The following ERC1 variants were observed in gnomAD, a reference collection of about 807,000 sequenced individuals.
The protein encoded by ERC1 is ELKS/RAB6-interacting/CAST family member 1.
Under a neutral mutation model 132.0 loss-of-function variants are expected in ERC1, and 56 were observed. The observed-to-expected ratio is 0.42, with a 90% CI of 0.34 to 0.53. The LOEUF is 0.53. Among genes scored for constraint, ERC1 ranks in the 20% least tolerant of loss-of-function variants. ERC1 has a pLI of 0.03. For synonymous variants in ERC1, 478 were observed against 476.1 expected (o/e 1.00, Z -0.05); for missense variants, 1,202 against 1,349.9 (o/e 0.89, Z 1.72).
chr12:1,487,456 A>G (rs1234182805), intron 18 of ERC1, among the ~76,000 whole-genome samples: 1 of 134,498 alleles, frequency 7.4e-6, no homozygotes, highest in Non-Finnish European at 1.5e-5. Context: ...TGTAATCTCA[A>G]CATTTTAGGA....
At chr12:1,200,649 C>T (rs1001130620) in intron 12 of ERC1, among the ~76,000 whole-genome samples, 6 of 151,970 alleles carry the variant, frequency 3.9e-5, no homozygotes, top group Admixed American at 1.3e-4. Context: ...AGCTCCGCCT[C>T]CCGGGTTCAC....
At chr12:1,445,583 TA>T (rs1410311751) in intron 18 of ERC1, among the ~76,000 whole-genome samples, 1 of 150,792 alleles carries the variant, frequency 6.6e-6, no homozygotes, top group Non-Finnish European at 1.5e-5. Context: ...TGATATTTTG[TA>T]ACTTTCAGCA....
At chr12:1,052,962 CTA>C (rs997432153) in intron 2 of ERC1, among the ~76,000 whole-genome samples, 2 of 150,030 alleles carry the variant, frequency 1.3e-5, no homozygotes, top group African/African-American at 5.0e-5. Context: ...AAGAGTGAAA[CTA>C]TGTCTCGAAA....
chr12:1,185,974 A>G (rs1266999861), intron 11 of ERC1, among the ~76,000 whole-genome samples: 1 of 152,196 alleles, frequency 6.6e-6, no homozygotes, highest in Non-Finnish European at 1.5e-5. Flanking sequence ...GTTTCTGCCA[A>G]TAGAGTCTTT....
intron 12 of ERC1, among the ~76,000 whole-genome samples, chr12:1,229,683 T>A (rs908823858): frequency 6.6e-6 from 1 of 152,178 alleles, no homozygotes; most frequent in Non-Finnish European, 1.5e-5. Context: ...TGATTTTCTT[T>A]ATTTGAATTC....
chr12:1,455,755 C>T (rs1287801990), intron 18 of ERC1, among the ~76,000 whole-genome samples: 3 of 152,128 alleles, frequency 2.0e-5, no homozygotes, highest in African/African-American at 4.8e-5. Flanking sequence ...AAATGCGAAC[C>T]GTTTTTCATT....
In ERC1 at chr12:1,242,960, G is replaced by C. The variant is rs535440676; in HGVS notation, c.2487+6056G>C. ...CCCAGCACTTTGGGAGGCCGAGGCG[G>C]GTGGATCATGAGGTCAGGAGATCGA... On this transcript the variant is annotated intron_variant, in intron 13 of 18. Coordinates refer to ENST00000360905, the MANE Select transcript of ERC1 (RefSeq NM_178040.4). Among the ~76,000 whole-genome samples, 13 of 152,192 alleles carry C rather than the reference G, an allele frequency of 8.5e-5. No homozygotes were observed. In the South Asian group the frequency reaches 2.5e-3, roughly 29 times the overall value.
chr12:1,154,288 TACAC>T (rs140742527), intron 8 of ERC1, among the ~76,000 whole-genome samples: 1 of 148,444 alleles, frequency 6.7e-6, no homozygotes, highest in Non-Finnish European at 1.5e-5. Flanking sequence ...CATGTATATA[TACAC>T]ACACACGTGC....
At chr12:1,127,550 T>A (rs918704934) in intron 7 of ERC1, among the ~76,000 whole-genome samples, 3 of 152,004 alleles carry the variant, frequency 2.0e-5, no homozygotes, top group Non-Finnish European at 2.9e-5. Context: ...TTGCCCAGGC[T>A]TGAGTGCGAT....
chr12:1,090,878 A>ATTGTTGTTTGTTGTTGTTG (rs1565941594), intron 3 of ERC1, among the ~76,000 whole-genome samples: 27 of 18,522 alleles, frequency 1.5e-3, no homozygotes, highest in South Asian at 3.8e-3. Flanking sequence ...TATTATTATT[A>ATTGTTGTTTGTTGTTGTTG]TTATTATTAT....
At chr12:1,016,030 A>T (rs1205293627) in intron 1 of ERC1, among the ~76,000 whole-genome samples, 7 of 151,584 alleles carry the variant, frequency 4.6e-5, no homozygotes, top group African/African-American at 1.4e-4. Context: ...GATTTATGTC[A>T]GAATTTCACA....
intron 2 of ERC1, among the ~76,000 whole-genome samples, chr12:1,064,995 C>CT (rs886113201): frequency 4.4e-4 from 66 of 151,070 alleles, no homozygotes; most frequent in African/African-American, 1.1e-3. Context: ...TGAGTTTTTT[C>CT]TTTTTTTTTC....
intron 15 of ERC1, among the ~76,000 whole-genome samples, chr12:1,295,405 A>T (rs140328940): frequency 6.1e-4 from 93 of 152,308 alleles, no homozygotes; most frequent in African/African-American, 2.1e-3. Flanking sequence ...GAAGCCAGGT[A>T]TCATGATTCC....
At chr12:1,455,569 C>T (rs1211358242) in intron 18 of ERC1, among the ~76,000 whole-genome samples, 1 of 152,200 alleles carries the variant, frequency 6.6e-6, no homozygotes, top group Non-Finnish European at 1.5e-5. Context: ...AGCCCTGTTG[C>T]CGTCTGTGGG....
rs71055117 is a variant in ERC1, at chr12:1,002,160, C to CTTTTTTT, written c.-157+10865_-157+10871dup. ...CACAGGTGTGAGCCACCATGCCCGGCTTTTTTTTTTTTTTTTTTTTTTTTT... is the reference window on the plus strand; with the variant it reads ...CACAGGTGTGAGCCACCATGCCCGGCTTTTTTTTTTTTTTTTTTTTTTTTTTTTTTTT... On this transcript the variant is annotated intron_variant, in intron 1 of 18. Coordinates refer to ENST00000360905, the MANE Select transcript of ERC1 (RefSeq NM_178040.4). 5.2e-4 allele frequency among the ~76,000 whole-genome samples: 20 copies of CTTTTTTT among 38,480 alleles called. 3 individuals are homozygous for CTTTTTTT. The highest frequency in any genetic ancestry group is 2.4e-3 in the South Asian group (2 of 844). The allele number at this position is 38,480 out of a possible 152,430, so 25.2% of individuals were successfully genotyped here. A position where few individuals can be genotyped will look rare whatever the true frequency, so the allele number is the denominator to read the frequency against.
chr12:1,009,470 A>G (rs569194258), intron 1 of ERC1, among the ~76,000 whole-genome samples: 40 of 152,274 alleles, frequency 2.6e-4, no homozygotes, highest in East Asian at 7.7e-4. Flanking sequence ...CACCGCGCCC[A>G]GCCAAGATTT....
intron 12 of ERC1, among the ~76,000 whole-genome samples, chr12:1,191,256 AT>A (rs1955702120): frequency 6.6e-6 from 1 of 152,108 alleles, no homozygotes; most frequent in South Asian, 2.1e-4. Flanking sequence ...GATTATGTAC[AT>A]TTTTTATGTC....
chr12:1,236,760 T>C lies in ERC1; in HGVS notation c.2352-9T>C. 1 of 1,612,004 alleles carries C rather than the reference T, an allele frequency of 6.2e-7. No individual in the cohort carries two copies. Among genetic ancestry groups the C allele is most frequent in the Non-Finnish European group, 8.5e-7 (1 of 1,178,898 alleles). On this transcript the variant is annotated splice_polypyrimidine_tract_variant and intron_variant, in intron 12 of 18. Coordinates refer to ENST00000360905, the MANE Select transcript of ERC1 (RefSeq NM_178040.4). ...ATGCAAAGCTTGATTTTTCTCCTTCTGTCATTAGGCAAGTGAAAGACCAGA... is the reference window on the plus strand; with the variant it reads ...ATGCAAAGCTTGATTTTTCTCCTTCCGTCATTAGGCAAGTGAAAGACCAGA...
Position 1,187,885 on chromosome 12 carries a change from A to G in ERC1, c.2158-1974A>G, listed in dbSNP as rs115327559. Among the ~76,000 whole-genome samples the G allele has an allele frequency of 5.1e-3, 778 of 152,322 alleles. 11 individuals carry two copies. The highest frequency in any genetic ancestry group is 0.016 in the African/African-American group (675 of 41,572). On this transcript the variant is annotated intron_variant, in intron 11 of 18. Transcript: ENST00000360905. The stretch of plus-strand genomic sequence containing the variant: ...CTTAAAAAGGTAATTGTAGTAAATC[A>G]CATGGTGTGAGGGAAGCTTATATCA...
Sources: gnomAD v4.1 joint callset for allele counts (sites outside exome capture counted in the v4.1 genomes callset) on GRCh38, gnomAD v4.1.1 for gene constraint, MANE v1.5 for transcripts, NCBI Gene and HGNC (gene_info 2026-07-23, HGNC 2026-07-21) for gene names.